The following IFI16 variants were observed in gnomAD, a reference collection of about 807,000 sequenced individuals.
IFI16 encodes the protein gamma-interferon-inducible protein 16.
A neutral mutation model predicts 68.4 loss-of-function variants in IFI16; 49 were observed. That is an observed-to-expected ratio of 0.72 (90% confidence interval 0.57 to 0.91). The LOEUF (loss-of-function observed/expected upper bound fraction) is 0.91, where lower values mean the gene tolerates loss of function less well. IFI16 is among the 40% of genes least tolerant of loss of function. The probability of loss-of-function intolerance (pLI) is 0.00; values close to 1 mark genes in which losing one functional copy is unlikely to be tolerated. For synonymous variants in IFI16, 307 were observed against 315.0 expected, an observed-to-expected ratio of 0.97 and a Z score of 0.27; for missense variants, 878 against 942.9, an observed-to-expected ratio of 0.93 and a Z score of 0.90.
intron 8 of IFI16, among the ~76,000 whole-genome samples, chr1:159,048,208 T>C (rs1177815238): frequency 6.6e-6 from 1 of 151,298 alleles, no homozygotes; most frequent in Non-Finnish European, 1.5e-5. Flanking sequence ...TAATAGATCG[T>C]GGAAAAATAA....
At position 159,015,808 on chromosome 1, in the gene IFI16, G is replaced by A. The variant is rs749964762; in HGVS notation, c.266-64G>A. 44 of 1,188,950 alleles carry A rather than the reference G, an allele frequency of 3.7e-5. 1 individual carries two copies. Among genetic ancestry groups the A allele is most frequent in the East Asian group, 9.4e-5 (4 of 42,696 alleles). 73.7% of individuals were successfully genotyped at this position (1,188,950 alleles called of 1,614,324 possible). On this transcript the variant is annotated intron_variant, in intron 2 of 11. Coordinates refer to ENST00000295809, the MANE Select transcript of IFI16 (RefSeq NM_001376587.1). ...TTGTATTGAAACTGCTTCAGCTGTC[G>A]GAGATCGTTTATATGTCTTCCTTTT...
intron 11 of IFI16, 23 bp from the exon 12 acceptor site, chr1:159,054,798 T>C (rs754726309): frequency 1.1e-5 from 15 of 1,402,310 alleles, no homozygotes; most frequent in Non-Finnish European, 1.4e-5. Context: ...AACTGGTCTG[T>C]CTTTATCTCT....
intron 7 of IFI16, among the ~76,000 whole-genome samples, chr1:159,041,397 C>G (rs1654630988): frequency 6.6e-6 from 1 of 152,150 alleles, no homozygotes; most frequent in Admixed American, 6.5e-5. Context: ...AATCCTGACT[C>G]TGGAACTGTA....
At chr1:159,005,778 T>C (rs1475602449), upstream of IFI16, among the ~76,000 whole-genome samples, 1 of 152,196 alleles carries the variant, frequency 6.6e-6, no homozygotes, top group African/African-American at 2.4e-5. Context: ...CCAAGATGAC[T>C]GCTGCTTCCA....
At chr1:159,026,638 G>A (rs1653691514) in intron 6 of IFI16, among the ~76,000 whole-genome samples, 1 of 152,070 alleles carries the variant, frequency 6.6e-6, no homozygotes, top group Non-Finnish European at 1.5e-5. Context: ...ACCCATCCCC[G>A]AGCATAGGAT....
At chr1:159,039,888 T>A (rs1654524702) in intron 7 of IFI16, among the ~76,000 whole-genome samples, 1 of 152,214 alleles carries the variant, frequency 6.6e-6, no homozygotes, top group Non-Finnish European at 1.5e-5. Flanking sequence ...ACTATTATCA[T>A]CCTTTGTGCC....
At chr1:159,032,449 A>AT (rs1244959574) in intron 6 of IFI16, 75 bp from the exon 7 acceptor site, 1 of 870,060 alleles carries the variant, frequency 1.1e-6, no homozygotes, top group African/African-American at 1.7e-5. Flanking sequence ...ATAAAGGATG[A>AT]TATTCTCACA....
chr1:159,054,983 C>A lies in IFI16; in HGVS notation c.*82C>A. ...AATGTACATATACCTGGTTGAAATA[C>A]AACACTATACATACACACCACCATA... On this transcript the variant is annotated 3_prime_UTR_variant, in exon 12 of 12. Coordinates refer to ENST00000295809, the MANE Select transcript of IFI16 (RefSeq NM_001376587.1). 1.4e-6 allele frequency: 1 copy of A among 700,050 alleles called. No individual in the cohort carries two copies. Among genetic ancestry groups the A allele is most frequent in the South Asian group, 1.7e-5 (1 of 57,856 alleles). 43.4% of individuals were successfully genotyped at this position (700,050 alleles called of 1,614,324 possible). A position where few individuals can be genotyped will look rare whatever the true frequency, so the allele number is the denominator to read the frequency against.
At chr1:159,035,048 G>A (rs1654240308) in intron 7 of IFI16, among the ~76,000 whole-genome samples, 1 of 152,158 alleles carries the variant, frequency 6.6e-6, no homozygotes, top group South Asian at 2.1e-4. Context: ...ATTTTTTACA[G>A]TTGCTTCTTA....
At chr1:159,016,264 G>C (rs903378555) in intron 3 of IFI16, among the ~76,000 whole-genome samples, 1 of 152,182 alleles carries the variant, frequency 6.6e-6, no homozygotes, top group Non-Finnish European at 1.5e-5. Context: ...CTTTGTCCAT[G>C]TGTATAAAAA....
intron 1 of IFI16, among the ~76,000 whole-genome samples, chr1:159,013,434 C>G (rs966675028): frequency 3.3e-5 from 5 of 152,118 alleles, no homozygotes. Context: ...TCCCAACATG[C>G]TGGAATTACA....
intron 4 of IFI16, among the ~76,000 whole-genome samples, chr1:159,016,992 C>A (rs1652973496): frequency 6.6e-6 from 1 of 152,184 alleles, no homozygotes; most frequent in Non-Finnish European, 1.5e-5. Flanking sequence ...GTCCTTCATA[C>A]CTCTTCCCTT....
chr1:159,004,313 GA>G (rs939525762), upstream of IFI16, among the ~76,000 whole-genome samples: 16 of 143,242 alleles, frequency 1.1e-4, no homozygotes, highest in African/African-American at 2.6e-4. Flanking sequence ...ATCTCCAAAA[GA>G]AAAAAAAAAG....
rs766883203 is a variant in IFI16, at chr1:159,051,666, T to C, written c.1666-13T>C. ...TTTTAATTGTGCCTATGTTTTGGTC[T>C]CTACCTTCTAAGTTGAAACCAAGAC... is the stretch of plus-strand genomic sequence containing the variant. On this transcript the variant is annotated splice_polypyrimidine_tract_variant and intron_variant, in intron 9 of 11. Transcript: ENST00000295809. 23 of 1,600,706 alleles carry C rather than the reference T, an allele frequency of 1.4e-5. No individual in the cohort carries two copies. The highest frequency in any genetic ancestry group is 1.9e-5 in the Non-Finnish European group (22 of 1,172,196).
intron 7 of IFI16, 70 bp downstream of exon 7, chr1:159,032,761 A>G: frequency 1.6e-6 from 2 of 1,253,602 alleles, no homozygotes; most frequent in Non-Finnish European, 2.2e-6. Context: ...GACTGTTGAA[A>G]GAGCTACTGC....
intron 6 of IFI16, among the ~76,000 whole-genome samples, chr1:159,025,199 C>T (rs1444620192): frequency 1.3e-5 from 2 of 152,144 alleles, no homozygotes; most frequent in African/African-American, 4.8e-5. Context: ...TCCTGCTCAG[C>T]GCCGCCCAAG....
intron 6 of IFI16, among the ~76,000 whole-genome samples, chr1:159,028,434 T>C (rs760144585): frequency 1.4e-4 from 21 of 152,196 alleles, no homozygotes; most frequent in Non-Finnish European, 2.8e-4. Flanking sequence ...TGGCCTATTA[T>C]ATGGCCTATC....
At chr1:159,051,583 T>G in intron 9 of IFI16, 96 bp from the exon 10 acceptor site, 1 of 926,486 alleles carries the variant, frequency 1.1e-6, no homozygotes, top group Non-Finnish European at 1.7e-6. Context: ...AGGTGATACT[T>G]GAGGACCAAC....
chr1:159,000,123 G>C (rs185200589), exon 1 of IFI16: 389 of 169,978 alleles, frequency 2.3e-3, no homozygotes, highest in Non-Finnish European at 2.6e-3. Flanking sequence ...TGAAAAATAC[G>C]GTCTTCCTCA....
Sources: allele counts gnomAD v4.1 joint callset (sites outside exome capture counted in the v4.1 genomes callset), GRCh38; gene constraint gnomAD v4.1.1; transcripts MANE v1.5; gene names NCBI Gene and HGNC (gene_info 2026-07-23, HGNC 2026-07-21).